Variants in UTP14A observed in about 807,000 individuals in gnomAD.
UTP14A encodes U3 small nucleolar RNA-associated protein 14 homolog A.
A neutral mutation model predicts 57.2 loss-of-function variants in UTP14A; 5 were observed. That is an observed-to-expected ratio of 0.09 (90% CI 0.05 to 0.18). The LOEUF (loss-of-function observed/expected upper bound fraction) is 0.18. UTP14A is among the 10% of genes least tolerant of loss of function. The pLI is 1.00. For synonymous variants in UTP14A, 169 were observed against 210.9 expected, an observed-to-expected ratio of 0.80 and a Z score of 1.72; for missense variants, 430 against 562.1, an observed-to-expected ratio of 0.76 and a Z score of 2.38.
chrX:129,924,197 C>G (rs1930012656), intron 11 of UTP14A, among the ~76,000 whole-genome samples: 1 of 110,608 alleles, frequency 9.0e-6, no homozygotes, highest in African/African-American at 3.3e-5. Flanking sequence ...GTCTCGAACT[C>G]CTGGGCTCAA....
At chrX:129,915,462 T>G (rs1475679987) in intron 6 of UTP14A, among the ~76,000 whole-genome samples, 1 of 103,090 alleles carries the variant, frequency 9.7e-6, no homozygotes, top group African/African-American at 3.7e-5. Context: ...GAGGCGGAGC[T>G]TGCAGTGAAC....
intron 6 of UTP14A, among the ~76,000 whole-genome samples, chrX:129,914,555 G>GA (rs1304861637): frequency 4.9e-4 from 48 of 97,725 alleles, no homozygotes; most frequent in Middle Eastern, 5.1e-3. Context: ...CCAGCCTGAG[G>GA]AAAAAAAAAA....
Position 129,929,468 on chromosome X carries a change from G to A in UTP14A, c.2176G>A (p.Gly726Ser). 1 of 1,211,844 alleles carries A rather than the reference G, an allele frequency of 8.3e-7. No individual in the cohort carries two copies. The highest frequency in any genetic ancestry group is 1.1e-6 in the Non-Finnish European group (1 of 895,598). ...TACTCCCAAGGTCGTCACCAAGCCA[G>A]GCCATATCATTAACCCCATAAAAGC... ...LTTPKVVTKP[G>S]HIINPIKAED... The change falls in exon 15 of 15, where the codon GGC becomes AGC. Residue 726 changes from glycine to serine, a missense_variant. By Grantham distance (56) the Gly-to-Ser change is moderately conservative. This residue lies in a region of UTP14A where 82 missense variants were observed against 151.4 expected (regional missense o/e 0.54). Coordinates refer to ENST00000394422, the MANE Select transcript of UTP14A (RefSeq NM_006649.4).
In UTP14A at chrX:129,917,987, G is replaced by A. The variant is rs183562141; in HGVS notation, c.538-1188G>A. ...GATACCAAGAACACTTATATGCATG[G>A]TTTATAGCAGTTGGCTATGGTCAAA... On this transcript the variant is annotated intron_variant, in intron 6 of 14. Coordinates refer to ENST00000394422, the MANE Select transcript of UTP14A (RefSeq NM_006649.4). 2.7e-5 allele frequency among the ~76,000 whole-genome samples: 3 copies of A among 112,378 alleles called. No homozygotes were observed. In the East Asian group the frequency reaches 8.4e-4, roughly 31 times the overall value.
At chrX:129,914,305 G>A (rs754510131) in intron 6 of UTP14A, among the ~76,000 whole-genome samples, 6 of 111,424 alleles carry the variant, frequency 5.4e-5, no homozygotes, top group East Asian at 2.8e-4. Context: ...GACCAGGCAC[G>A]GTGGCTCACG....
chrX:129,921,360 C>A lies in UTP14A; in HGVS notation c.1121C>A (p.Pro374His). 1 of 1,211,535 alleles carries A rather than the reference C, an allele frequency of 8.3e-7. No homozygotes were observed. The highest frequency in any genetic ancestry group is 1.1e-6 in the Non-Finnish European group (1 of 895,467). ...CAGATGAATGCAGATGGGCCGAATC[C>A]CTGGATGCTCAGGAGCTGCACCAGT... ...EVQMNADGPN[P>H]WMLRSCTSDT... The change falls in exon 11 of 15, where the codon CCC becomes CAC. Residue 374 changes from proline to histidine, a missense_variant. Coordinates refer to ENST00000394422, the MANE Select transcript of UTP14A (RefSeq NM_006649.4).
intron 1 of UTP14A, among the ~76,000 whole-genome samples, 165 bp from the exon 2 acceptor site, chrX:129,907,202 G>A (rs1036246063): frequency 2.7e-5 from 3 of 111,327 alleles, no homozygotes; most frequent in African/African-American, 9.8e-5. Flanking sequence ...GCTATTCTGT[G>A]CTGAAATTAC....
At chrX:129,920,955 G>C (rs192615388) in intron 10 of UTP14A, 4 of 753,975 alleles carry the variant, frequency 5.3e-6, no homozygotes, top group African/African-American at 4.6e-5. Flanking sequence ...AAGTCCAAAG[G>C]GGGAGAGGAG....
intron 6 of UTP14A, among the ~76,000 whole-genome samples, chrX:129,915,239 C>G (rs910679854): frequency 9.8e-6 from 1 of 102,460 alleles, no homozygotes; most frequent in African/African-American, 3.6e-5. Context: ...AAAATAAAGG[C>G]TATGGGCCGG....
Position 129,924,968 on chromosome X carries a change from G to T in UTP14A, c.1522G>T (p.Val508Leu). 8.3e-7 allele frequency: 1 copy of T among 1,211,619 alleles called. No individual in the cohort carries two copies. Among genetic ancestry groups the T allele is most frequent in the South Asian group, 1.8e-5 (1 of 56,971 alleles). Reference sequence around the variant, plus strand: ...CCTGTTGCTACAGAGACCAGAGAGAGTACAGACGCTGGAAGAGCTAGAAGA... The same window carrying T: ...CCTGTTGCTACAGAGACCAGAGAGATTACAGACGCTGGAAGAGCTAGAAGA... Reference protein sequence around the residue: ...EPLLLQRPERVQTLEELEELG... With the variant: ...EPLLLQRPERLQTLEELEELG... The change falls in exon 12 of 15, where the codon GTA becomes TTA. Residue 508 changes from valine to leucine, a missense_variant. Val to Leu is a conservative substitution (Grantham distance 32). Coordinates refer to ENST00000394422, the MANE Select transcript of UTP14A (RefSeq NM_006649.4).
chrX:129,912,593 C>T (rs1037005248), intron 6 of UTP14A, among the ~76,000 whole-genome samples: 2 of 111,212 alleles, frequency 1.8e-5, no homozygotes, highest in Admixed American at 9.7e-5. Flanking sequence ...ATCAGGAACT[C>T]GATAACATTA....
intron 14 of UTP14A, among the ~76,000 whole-genome samples, chrX:129,926,917 T>A (rs1161202406): frequency 8.9e-6 from 1 of 112,153 alleles, no homozygotes; most frequent in African/African-American, 3.2e-5. Flanking sequence ...TCGGAAGGAA[T>A]AAAGAATTAA....
intron 3 of UTP14A, 159 bp from the exon 4 acceptor site, chrX:129,908,511 G>C (rs1929339206): frequency 1.9e-6 from 1 of 536,323 alleles, no homozygotes; most frequent in East Asian, 3.4e-5. Flanking sequence ...CCAAGTCCAA[G>C]TTAGGAACAG....
At chrX:129,909,507 C>T (rs1024729315) in intron 4 of UTP14A, among the ~76,000 whole-genome samples, 2 of 111,626 alleles carry the variant, frequency 1.8e-5, no homozygotes, top group African/African-American at 6.5e-5. Flanking sequence ...CCGTGCGCGG[C>T]CTCAAGACAT....
chrX:129,926,790 A>T (rs1930124783), intron 14 of UTP14A, among the ~76,000 whole-genome samples: 1 of 111,811 alleles, frequency 8.9e-6, no homozygotes, highest in Admixed American at 9.5e-5. Context: ...CTGCTCTGGG[A>T]GTATGAGAAT....
At chrX:129,918,982 T>C (rs891360649) in intron 6 of UTP14A, among the ~76,000 whole-genome samples, 193 bp from the exon 7 acceptor site, 9 of 111,987 alleles carry the variant, frequency 8.0e-5, no homozygotes, top group Non-Finnish European at 1.7e-4. Context: ...AGTTGTCTTA[T>C]ATAAGAATCA....
At chrX:129,924,192 G>A (rs1218439016) in intron 11 of UTP14A, among the ~76,000 whole-genome samples, 2 of 109,944 alleles carry the variant, frequency 1.8e-5, no homozygotes, top group Non-Finnish European at 3.8e-5. Context: ...GGCTGGTCTC[G>A]AACTCCTGGG....
intron 6 of UTP14A, among the ~76,000 whole-genome samples, chrX:129,916,986 G>A (rs746772353): frequency 5.4e-5 from 6 of 111,232 alleles, no homozygotes; most frequent in Non-Finnish European, 7.5e-5. Flanking sequence ...ATAGAATAAC[G>A]TAGCAGTTAT....
chrX:129,913,706 T>A (rs1004099835), intron 6 of UTP14A, among the ~76,000 whole-genome samples: 1 of 111,980 alleles, frequency 8.9e-6, no homozygotes, highest in African/African-American at 3.2e-5. Flanking sequence ...TGGGGCCGGG[T>A]GTGGTGGCTC....
Sources: allele counts gnomAD v4.1 joint callset (sites outside exome capture counted in the v4.1 genomes callset), GRCh38; gene constraint gnomAD v4.1.1; regional missense constraint gnomAD v4.1.1; transcripts MANE v1.5; gene names NCBI Gene and HGNC (gene_info 2026-07-23, HGNC 2026-07-21).